ITPKC: variants seen among roughly 807,000 people sequenced by gnomAD.
The protein encoded by ITPKC is IP3 3-kinase C.
Under a neutral mutation model 67.1 loss-of-function variants are expected in ITPKC, and 33 were observed. The ratio of observed to expected loss-of-function variants is 0.49; its 90% confidence interval spans 0.37 to 0.66. ITPKC has a LOEUF of 0.66. Among genes scored for constraint, ITPKC ranks in the 30% least tolerant of loss-of-function variants. ITPKC has a pLI of 0.00. For missense variants in ITPKC, 820 were observed against 892.1 expected (o/e 0.92, Z 1.03); for synonymous variants, 341 against 359.8 (o/e 0.95, Z 0.59).
intron 2 of ITPKC, among the ~76,000 whole-genome samples, chr19:40,726,576 A>G (rs1389431518): frequency 6.6e-6 from 1 of 152,198 alleles, no homozygotes; most frequent in Non-Finnish European, 1.5e-5. Flanking sequence ...AAAAACCAGC[A>G]GCAGGCTGGA....
At chr19:40,738,555 A>C (rs1311946100) in intron 6 of ITPKC, among the ~76,000 whole-genome samples, 1 of 152,150 alleles carries the variant, frequency 6.6e-6, no homozygotes, top group African/African-American at 2.4e-5. Flanking sequence ...CTGTCTCAAA[A>C]AAAAAGCAAA....
chr19:40,726,237 G>A (rs1250411638), intron 2 of ITPKC, among the ~76,000 whole-genome samples: 1 of 114,072 alleles, frequency 8.8e-6, no homozygotes. Context: ...GCGAAACTTC[G>A]TCTCAAAAAA....
At chr19:40,729,787 A>G (rs1377346928) in intron 3 of ITPKC, among the ~76,000 whole-genome samples, 1 of 145,654 alleles carries the variant, frequency 6.9e-6, no homozygotes, top group African/African-American at 2.8e-5. Context: ...AAAAGAAAAG[A>G]AAAGAAAATA....
rs774980784 is a variant in ITPKC at position 40,729,289 on chromosome 19, C to T, written c.1343C>T (p.Pro448Leu). ...AGCCTGGAGCAGCTGATGAAAGACCCGCTGCGACCTTTCGTGCCTGCCTAC... is the reference window on the plus strand; with the variant it reads ...AGCCTGGAGCAGCTGATGAAAGACCTGCTGCGACCTTTCGTGCCTGCCTAC... Reference protein sequence around the residue: ...QRSLEQLMKDPLRPFVPAYYG... With the variant: ...QRSLEQLMKDLLRPFVPAYYG... The change falls in exon 3 of 7, where the codon CCG (proline) becomes CTG (leucine). Residue 448 changes from proline (P) to leucine (L), a missense_variant. Physicochemically the swap from Pro to Leu is moderately conservative, Grantham distance 98. Coordinates refer to ENST00000263370, the MANE Select transcript of ITPKC (RefSeq NM_025194.3). 25 of 1,613,982 alleles carry T rather than the reference C, an allele frequency of 1.5e-5. No individual in the cohort carries two copies. Among genetic ancestry groups the T allele is most frequent in the African/African-American group, 1.1e-4 (8 of 74,926 alleles).
chr19:40,717,357 C>T lies in ITPKC; in HGVS notation c.222C>T (p.Ala74=), dbSNP rs929632162. The change falls in exon 1 of 7, where the codon GCC becomes GCT. Residue 74 remains alanine, a synonymous_variant. Transcript: ENST00000263370. ...GSSLHSEPER[A]GLGPAPGTES... is the part of the protein sequence containing the mutation. ...GCCTCCACAGCGAGCCTGAGAGGGCCGGCCTCGGGCCTGCGCCGGGGACAG... is the reference window on the plus strand; with the variant it reads ...GCCTCCACAGCGAGCCTGAGAGGGCTGGCCTCGGGCCTGCGCCGGGGACAG... 1.2e-6 allele frequency: 2 copies of T among 1,611,364 alleles called. No homozygotes were observed. The highest frequency in any genetic ancestry group is 8.5e-7 in the Non-Finnish European group (1 of 1,179,546).
intron 1 of ITPKC, among the ~76,000 whole-genome samples, chr19:40,718,896 C>T (rs1459282159): frequency 1.3e-5 from 2 of 152,164 alleles, no homozygotes; most frequent in African/African-American, 2.4e-5. Context: ...CCTGGTCTCC[C>T]CTGTGACCCC....
intron 1 of ITPKC, among the ~76,000 whole-genome samples, chr19:40,721,362 C>CTT (rs60392285): frequency 3.5e-5 from 5 of 142,748 alleles, no homozygotes; most frequent in African/African-American, 7.7e-5. Flanking sequence ...TTGGATCTAA[C>CTT]TTTTTTTTTT....
chr19:40,717,960 C>G lies in ITPKC; in HGVS notation c.825C>G (p.Gly275=), dbSNP rs374065986. 23 of 1,614,064 alleles carry G rather than the reference C, an allele frequency of 1.4e-5. No homozygotes were observed. Among genetic ancestry groups the G allele is most frequent in the Non-Finnish European group, 1.9e-5 (22 of 1,180,030 alleles). The part of the protein sequence containing the change: ...GGFQIQQDTD[G]SWTQPSTDGS... ...TCCAAATACAACAGGATACTGATGG[C>G]TCCTGGACACAACCTAGCACTGACG... The change falls in exon 1 of 7, where the codon GGC becomes GGG. Residue 275 remains glycine, a synonymous_variant. Coordinates refer to ENST00000263370, the MANE Select transcript of ITPKC (RefSeq NM_025194.3).
chr19:40,733,202 C>T lies in ITPKC; in HGVS notation c.1512C>T (p.Pro504=). 6.2e-7 allele frequency: 1 copy of T among 1,614,198 alleles called. No individual in the cohort carries two copies. Among genetic ancestry groups the T allele is most frequent in the Middle Eastern group, 1.6e-4 (1 of 6,062 alleles). The part of the protein sequence containing the change: ...EEELVKARER[P]RPRKDMYEKM... ...AGCTAGTGAAGGCACGGGAACGTCC[C>T]CGTCCCCGGAAGGACATGTATGAGA... Residue 504 remains proline, a synonymous_variant, in exon 4 of 7, where the codon CCC becomes CCT. Transcript: ENST00000263370.
intron 1 of ITPKC, among the ~76,000 whole-genome samples, chr19:40,720,972 G>A (rs1462340037): frequency 1.3e-5 from 2 of 151,780 alleles, no homozygotes; most frequent in African/African-American, 4.8e-5. Context: ...ATGGGGTCTT[G>A]CTATCTTGCC....
chr19:40,725,544 G>C (rs777407394), intron 2 of ITPKC, 105 bp downstream of exon 2: 1 of 810,324 alleles, frequency 1.2e-6, no homozygotes, highest in Non-Finnish European at 2.2e-6. Context: ...CTTGGTGACA[G>C]TCCCCACCTT....
chr19:40,728,951 C>G (rs2082258041), intron 2 of ITPKC, among the ~76,000 whole-genome samples: 1 of 152,028 alleles, frequency 6.6e-6, no homozygotes, highest in African/African-American at 2.4e-5. Flanking sequence ...TTGCTTGAAC[C>G]CGGGAGGCGG....
rs1018127315 is a variant in ITPKC, at chr19:40,717,211, C to T, written c.76C>T (p.Leu26=). 3 of 1,238,352 alleles carry T rather than the reference C, an allele frequency of 2.4e-6. No homozygotes were observed. In the African/African-American group the frequency reaches 4.7e-5, roughly 19 times the overall value. 76.7% of individuals were successfully genotyped at this position (1,238,352 alleles called of 1,614,324 possible). A position where few individuals can be genotyped will look rare whatever the true frequency, so the allele number is the denominator to read the frequency against. The change falls in exon 1 of 7, where the codon CTG becomes TTG. Residue 26 remains leucine, a synonymous_variant. Coordinates refer to ENST00000263370, the MANE Select transcript of ITPKC (RefSeq NM_025194.3). ...GALPAAARMG[L]EAPRGGRRRQ... Reference sequence around the variant, plus strand: ...GCTGCCCGCGGCGGCCCGCATGGGACTGGAGGCGCCGCGAGGAGGGCGGCG... The same window carrying T: ...GCTGCCCGCGGCGGCCCGCATGGGATTGGAGGCGCCGCGAGGAGGGCGGCG...
intron 2 of ITPKC, 64 bp downstream of exon 2, chr19:40,725,503 C>T: frequency 8.7e-7 from 1 of 1,144,000 alleles, no homozygotes; most frequent in Middle Eastern, 2.0e-4. Context: ...GGGATGTTCT[C>T]TGTAGTTTAG....
In ITPKC at chr19:40,729,262, G is replaced by T. The variant is rs112628847; in HGVS notation, c.1316G>T (p.Arg439Leu). 5.6e-6 allele frequency: 9 copies of T among 1,614,104 alleles called. 1 individual carries two copies. The South Asian group carries it at 8.8e-5, about 16-fold the overall frequency. Residue 439 changes from arginine to leucine, a missense_variant, in exon 3 of 7, where the codon CGC (arginine) becomes CTC (leucine). Arg to Leu is a moderately radical substitution (Grantham distance 102). Coordinates refer to ENST00000263370, the MANE Select transcript of ITPKC (RefSeq NM_025194.3). ...AAACGTTTCTGTCAGTGTGAGCAGC[G>T]CAGCCTGGAGCAGCTGATGAAAGAC... ...ILKRFCQCEQ[R>L]SLEQLMKDPL...
intron 3 of ITPKC, among the ~76,000 whole-genome samples, chr19:40,731,082 A>C (rs1451586168): frequency 6.6e-6 from 1 of 152,156 alleles, no homozygotes; most frequent in Non-Finnish European, 1.5e-5. Flanking sequence ...AATTTGCTGG[A>C]GTGGCTCAAA....
intron 1 of ITPKC, among the ~76,000 whole-genome samples, chr19:40,720,381 A>G (rs1336545922): frequency 2.0e-5 from 3 of 150,830 alleles, no homozygotes; most frequent in Non-Finnish European, 3.0e-5. Flanking sequence ...AAAAAAAAAC[A>G]AAAACAACAG....
chr19:40,718,548 C>T (rs1347032196), intron 1 of ITPKC, among the ~76,000 whole-genome samples: 4 of 152,062 alleles, frequency 2.6e-5, no homozygotes, highest in Non-Finnish European at 5.9e-5. Context: ...GGCCACTGAC[C>T]GACTTTATGG....
chr19:40,717,180 C>G lies in ITPKC; in HGVS notation c.45C>G (p.Ala15=). 1 of 1,226,470 alleles carries G rather than the reference C, an allele frequency of 8.2e-7. No homozygotes were observed. Among genetic ancestry groups the G allele is most frequent in the Non-Finnish European group, 1.0e-6 (1 of 984,870 alleles). The allele number at this position is 1,226,470 out of a possible 1,614,324, so 76.0% of individuals were successfully genotyped here. Residue 15 remains alanine, a synonymous_variant, in exon 1 of 7, where the codon GCC becomes GCG. Transcript: ENST00000263370. ...GTGGGAGCCTGAACGAGGCGGAGGC[C>G]GGGGCGCTGCCCGCGGCGGCCCGCA... ...PCRGSLNEAE[A]GALPAAARMG...
Sources: gnomAD v4.1 joint callset for allele counts (sites outside exome capture counted in the v4.1 genomes callset) on GRCh38, gnomAD v4.1.1 for gene constraint, MANE v1.5 for transcripts, NCBI Gene and HGNC (gene_info 2026-07-23, HGNC 2026-07-21) for gene names.